The following SIPA1L3 variants were observed in gnomAD, a reference collection of about 807,000 sequenced individuals.
SIPA1L3 encodes the protein signal induced proliferation associated 1 like 3.
Under a neutral mutation model 150.1 loss-of-function variants are expected in SIPA1L3, and 59 were observed. That is an observed-to-expected ratio of 0.39 (90% CI 0.32 to 0.49). The LOEUF is 0.49. Ranked by LOEUF, SIPA1L3 falls within the 20% of genes least tolerant of loss-of-function variation. SIPA1L3 has a pLI of 0.86. For synonymous variants in SIPA1L3, 1,070 were observed against 1,077.6 expected, an observed-to-expected ratio of 0.99 and a Z score of 0.14; for missense variants, 2,211 against 2,489.5, an observed-to-expected ratio of 0.89 and a Z score of 2.38.
At chr19:38,008,796 G>C (rs1174458297) in intron 1 of SIPA1L3, among the ~76,000 whole-genome samples, 1 of 152,012 alleles carries the variant, frequency 6.6e-6, no homozygotes, top group African/African-American at 2.4e-5. Context: ...CTGGCCTCAA[G>C]CAATCTCCCC....
At chr19:37,950,731 C>T (rs1311555748) in intron 1 of SIPA1L3, among the ~76,000 whole-genome samples, 5 of 152,236 alleles carry the variant, frequency 3.3e-5, no homozygotes, top group African/African-American at 7.2e-5. Flanking sequence ...GCTGCGAGCC[C>T]TCCCAGGTCT....
chr19:37,974,760 T>C (rs908532471), intron 1 of SIPA1L3, among the ~76,000 whole-genome samples: 2 of 152,212 alleles, frequency 1.3e-5, no homozygotes, highest in Non-Finnish European at 2.9e-5. Context: ...CACCCAGTGG[T>C]ACATCCCCTT....
intron 12 of SIPA1L3, 70 bp from the exon 13 acceptor site, chr19:38,152,770 G>C: frequency 6.6e-7 from 1 of 1,517,216 alleles, no homozygotes; most frequent in Non-Finnish European, 8.9e-7. Flanking sequence ...CAAGGCTCAG[G>C]CTCAGGCTCA....
chr19:38,084,208 G>C (rs1401000460), intron 3 of SIPA1L3, among the ~76,000 whole-genome samples: 1 of 152,088 alleles, frequency 6.6e-6, no homozygotes, highest in Non-Finnish European at 1.5e-5. Flanking sequence ...CGTCACATCT[G>C]TGTTTCCAGG....
chr19:38,181,528 T>C (rs1368539620), intron 15 of SIPA1L3, among the ~76,000 whole-genome samples: 2 of 151,690 alleles, frequency 1.3e-5, no homozygotes, highest in South Asian at 2.1e-4. Flanking sequence ...CCCTTTTATA[T>C]ACACATGCGT....
intron 15 of SIPA1L3, among the ~76,000 whole-genome samples, chr19:38,180,327 T>G (rs1042938416): frequency 4.0e-5 from 6 of 150,612 alleles, no homozygotes; most frequent in Non-Finnish European, 7.4e-5. Flanking sequence ...ATTAATTGTG[T>G]TTTTTTTTCT....
chr19:38,144,484 C>T (rs146015881), intron 12 of SIPA1L3, among the ~76,000 whole-genome samples: 1 of 152,350 alleles, frequency 6.6e-6, no homozygotes, highest in Admixed American at 6.5e-5. Flanking sequence ...CAGAGGAGGA[C>T]TTGTTAAAAT....
At chr19:38,146,892 C>G (rs533038233) in intron 12 of SIPA1L3, among the ~76,000 whole-genome samples, 1 of 151,986 alleles carries the variant, frequency 6.6e-6, no homozygotes, top group African/African-American at 2.4e-5. Flanking sequence ...GTCTTTTGTG[C>G]GTCTTCTAAT....
chr19:38,022,557 A>C (rs1568506083), intron 1 of SIPA1L3, among the ~76,000 whole-genome samples: 1 of 143,946 alleles, frequency 6.9e-6, no homozygotes, highest in African/African-American at 2.9e-5. Flanking sequence ...GACACACACA[A>C]AAAAATCGGG....
rs1196018447 is a variant in SIPA1L3 at position 38,083,020 on chromosome 19, G to A, written c.1455G>A (p.Thr485=). The A allele has an allele frequency of 1.3e-5, 21 of 1,613,124 alleles. No individual in the cohort carries two copies. The highest frequency in any genetic ancestry group is 4.0e-5 in the African/African-American group (3 of 74,944). The stretch of plus-strand genomic sequence containing the variant: ...AAGTTCCCAAGGAGCAGCAGCGGAC[G>A]CAGAGTCGGCCCCGGCAGTACAGCA... ...VLEVPKEQQR[T]QSRPRQYSIE... Residue 485 remains threonine, a synonymous_variant, in exon 3 of 22, where the codon ACG becomes ACA. Coordinates refer to ENST00000222345, the MANE Select transcript of SIPA1L3 (RefSeq NM_015073.3).
At chr19:37,942,860 C>T (rs1332923118) in intron 1 of SIPA1L3, among the ~76,000 whole-genome samples, 1 of 151,718 alleles carries the variant, frequency 6.6e-6, no homozygotes, top group Non-Finnish European at 1.5e-5. Flanking sequence ...AGCCCCAGTC[C>T]CCTTTAACAT....
chr19:38,030,884 T>C (rs1173240357), intron 2 of SIPA1L3, among the ~76,000 whole-genome samples: 1 of 151,962 alleles, frequency 6.6e-6, no homozygotes, highest in East Asian at 1.9e-4. Flanking sequence ...CAAGAGACCA[T>C]AACGGTGTGG....
intron 8 of SIPA1L3, among the ~76,000 whole-genome samples, chr19:38,114,654 T>G (rs1203584563): frequency 6.6e-6 from 1 of 152,224 alleles, no homozygotes; most frequent in Admixed American, 6.5e-5. Context: ...CTGTTAAAAC[T>G]ATGCCCACCA....
intron 1 of SIPA1L3, among the ~76,000 whole-genome samples, chr19:37,996,139 G>A (rs955864889): frequency 1.3e-5 from 2 of 151,946 alleles, no homozygotes; most frequent in Non-Finnish European, 2.9e-5. Flanking sequence ...CATTGCCAGG[G>A]CTGGTCTCAA....
At chr19:38,157,030 A>G (rs1224395566) in intron 13 of SIPA1L3, among the ~76,000 whole-genome samples, 1 of 151,932 alleles carries the variant, frequency 6.6e-6, no homozygotes, top group Non-Finnish European at 1.5e-5. Flanking sequence ...TAGGTGTGGC[A>G]GTGCGCACCT....
chr19:38,037,232 C>T (rs1438755156), intron 2 of SIPA1L3, among the ~76,000 whole-genome samples: 1 of 152,132 alleles, frequency 6.6e-6, no homozygotes, highest in East Asian at 1.9e-4. Context: ...AGGGCCGTGA[C>T]AGCATATCTG....
chr19:38,136,545 A>G (rs2145929611), intron 10 of SIPA1L3, among the ~76,000 whole-genome samples: 1 of 152,288 alleles, frequency 6.6e-6, no homozygotes, highest in South Asian at 2.1e-4. Context: ...TGGAGATTGC[A>G]GTGAGCCAAG....
intron 1 of SIPA1L3, among the ~76,000 whole-genome samples, chr19:38,009,333 A>G (rs955094777): frequency 2.0e-5 from 3 of 152,054 alleles, no homozygotes; most frequent in African/African-American, 7.2e-5. Context: ...CTGGGCTATT[A>G]TTCCATGGAG....
At chr19:37,969,175 G>A (rs938238243) in intron 1 of SIPA1L3, among the ~76,000 whole-genome samples, 8 of 152,140 alleles carry the variant, frequency 5.3e-5, no homozygotes, top group Non-Finnish European at 8.8e-5. Context: ...CAAGGCTGCG[G>A]TGAGCCATGA....
Sources: allele counts gnomAD v4.1 joint callset (sites outside exome capture counted in the v4.1 genomes callset), GRCh38; gene constraint gnomAD v4.1.1; transcripts MANE v1.5; gene names NCBI Gene and HGNC (gene_info 2026-07-23, HGNC 2026-07-21).